The following TRPM6 variants were observed in gnomAD, a reference collection of about 807,000 sequenced individuals.
The protein encoded by TRPM6 is transient receptor potential cation channel subfamily M member 6.
In TRPM6, 111 loss-of-function variants were observed where a neutral mutation model predicts 247.6. The ratio of observed to expected loss-of-function variants is 0.45; its 90% CI spans 0.38 to 0.52. The LOEUF (loss-of-function observed/expected upper bound fraction) is 0.52. Ranked by LOEUF, TRPM6 falls within the 20% of genes least tolerant of loss-of-function variation. TRPM6 has a pLI of 0.00. For missense variants in TRPM6, 2,126 were observed against 2,421.5 expected, an observed-to-expected ratio of 0.88 and a Z score of 2.56; for synonymous variants, 892 against 853.8, an observed-to-expected ratio of 1.04 and a Z score of -0.78.
At chr9:74,744,938 C>T (rs1825984817) in intron 31 of TRPM6, among the ~76,000 whole-genome samples, 1 of 151,988 alleles carries the variant, frequency 6.6e-6, no homozygotes, top group African/African-American at 2.4e-5. Flanking sequence ...GGAGTGTTGG[C>T]AAAAAGTAAG....
intron 24 of TRPM6, among the ~76,000 whole-genome samples, chr9:74,773,476 C>A (rs1306437210): frequency 6.6e-6 from 1 of 152,220 alleles, no homozygotes; most frequent in Non-Finnish European, 1.5e-5. Flanking sequence ...AGACACATCA[C>A]TAAGTGATAT....
chr9:74,887,167 G>T, intron 1 of TRPM6: 1 of 1,061,370 alleles, frequency 9.4e-7, no homozygotes, highest in Non-Finnish European at 1.2e-6. Context: ...GGACTCCTGA[G>T]GTTGCAAGTC....
At chr9:74,816,286 C>T (rs1207061495) in intron 11 of TRPM6, among the ~76,000 whole-genome samples, 12 of 152,052 alleles carry the variant, frequency 7.9e-5, no homozygotes, top group African/African-American at 2.9e-4. Flanking sequence ...GGAGGATTAC[C>T]TGACCCCAGG....
At chr9:74,851,470 G>A (rs752175349) in intron 3 of TRPM6, among the ~76,000 whole-genome samples, 30 of 151,972 alleles carry the variant, frequency 2.0e-4, no homozygotes, top group Non-Finnish European at 3.4e-4. Context: ...TAAATCAGCT[G>A]GGCACAGTGG....
At chr9:74,793,827 GGGAAA>G (rs1827990648) in intron 18 of TRPM6, among the ~76,000 whole-genome samples, 1 of 151,534 alleles carries the variant, frequency 6.6e-6, no homozygotes. Context: ...CATTTTTCTG[GGGAAA>G]GAATCAGATT....
At chr9:74,880,701 C>T (rs1420948564) in intron 1 of TRPM6, among the ~76,000 whole-genome samples, 1 of 152,002 alleles carries the variant, frequency 6.6e-6, no homozygotes, top group Non-Finnish European at 1.5e-5. Context: ...AAGTCCTGCA[C>T]ATAGAAGCAA....
At chr9:74,761,429 T>A (rs551131617) in intron 27 of TRPM6, among the ~76,000 whole-genome samples, 31 of 152,310 alleles carry the variant, frequency 2.0e-4, no homozygotes, top group African/African-American at 7.0e-4. Flanking sequence ...TAAATTTATA[T>A]CTGGGTGTGG....
At chr9:74,812,828 T>C (rs958643075) in intron 11 of TRPM6, among the ~76,000 whole-genome samples, 16 of 151,832 alleles carry the variant, frequency 1.1e-4, no homozygotes, top group African/African-American at 3.9e-4. Flanking sequence ...GGGTCAAGGC[T>C]GCAGTAAGCC....
At chr9:74,851,714 G>A (rs1037355771) in intron 3 of TRPM6, among the ~76,000 whole-genome samples, 24 of 148,902 alleles carry the variant, frequency 1.6e-4, no homozygotes, top group Non-Finnish European at 1.3e-4. Flanking sequence ...GCGCCACTGC[G>A]CTCCAGCTTG....
intron 19 of TRPM6, among the ~76,000 whole-genome samples, chr9:74,789,412 CAT>C (rs1157302944): frequency 2.0e-5 from 3 of 152,170 alleles, no homozygotes. Flanking sequence ...AGAATTAAGA[CAT>C]AGTGATCACA....
chr9:74,777,045 A>C (rs1360094917), intron 23 of TRPM6, among the ~76,000 whole-genome samples: 1 of 152,220 alleles, frequency 6.6e-6, no homozygotes. Context: ...AGTTTCTCAG[A>C]ATCCATAAAG....
chr9:74,791,693 C>A (rs1427385222), intron 19 of TRPM6, among the ~76,000 whole-genome samples: 1 of 152,128 alleles, frequency 6.6e-6, no homozygotes, highest in Non-Finnish European at 1.5e-5. Flanking sequence ...GCAAAAAAAC[C>A]AAACACTTGC....
chr9:74,817,054 A>G, intron 9 of TRPM6, 90 bp from the exon 10 acceptor site: 1 of 1,148,604 alleles, frequency 8.7e-7, no homozygotes, highest in Non-Finnish European at 1.3e-6. Context: ...GACTGGAGCT[A>G]ATGAATTGAG....
chr9:74,854,271 G>A (rs1012343561), intron 3 of TRPM6, among the ~76,000 whole-genome samples: 5 of 152,184 alleles, frequency 3.3e-5, no homozygotes, highest in African/African-American at 9.7e-5. Flanking sequence ...ATATGTTCAC[G>A]TTAGTTGTCT....
At position 74,816,665 on chromosome 9, in the gene TRPM6, A is replaced by C. The variant is rs1407148998; in HGVS notation, c.1308+4T>G. ...TTTTCCGAATAACTTCATTTTCACTATACCTTCCAGTGTTGTTCATAAATT... is the reference window on the plus strand; with the variant it reads ...TTTTCCGAATAACTTCATTTTCACTCTACCTTCCAGTGTTGTTCATAAATT... On this transcript the variant is annotated splice_donor_region_variant and intron_variant, in intron 11 of 38. Transcript: ENST00000360774. The C allele has an allele frequency of 6.2e-7, 1 of 1,611,424 alleles. No individual in the cohort carries two copies. The highest frequency in any genetic ancestry group is 8.5e-7 in the Non-Finnish European group (1 of 1,177,856).
At chr9:74,771,407 A>G (rs746210866) in intron 25 of TRPM6, among the ~76,000 whole-genome samples, 12 of 151,824 alleles carry the variant, frequency 7.9e-5, no homozygotes, top group Admixed American at 7.2e-4. Flanking sequence ...TTCTCTCACC[A>G]CCTACACACA....
At chr9:74,863,851 G>T (rs1321400872) in intron 1 of TRPM6, among the ~76,000 whole-genome samples, 1 of 151,582 alleles carries the variant, frequency 6.6e-6, no homozygotes, top group Non-Finnish European at 1.5e-5. Flanking sequence ...CTCCCAAAGT[G>T]CTGGGATTAC....
intron 20 of TRPM6, among the ~76,000 whole-genome samples, chr9:74,787,217 C>G (rs912795043): frequency 6.6e-6 from 1 of 151,986 alleles, no homozygotes; most frequent in Admixed American, 6.5e-5. Flanking sequence ...CACCTGTAAT[C>G]CCAGCTACTC....
At chr9:74,786,434 G>A (rs984502643) in intron 20 of TRPM6, among the ~76,000 whole-genome samples, 1 of 152,116 alleles carries the variant, frequency 6.6e-6, no homozygotes, top group Non-Finnish European at 1.5e-5. Context: ...AAAACACCAA[G>A]ACATTTTAAA....
Sources: gnomAD v4.1 joint callset for allele counts (sites outside exome capture counted in the v4.1 genomes callset) on GRCh38, gnomAD v4.1.1 for gene constraint, MANE v1.5 for transcripts, NCBI Gene and HGNC (gene_info 2026-07-23, HGNC 2026-07-21) for gene names.